CGNL1: variants seen among roughly 807,000 people sequenced by gnomAD.
The protein encoded by CGNL1 is cingulin-like protein 1.
A neutral mutation model predicts 141.2 loss-of-function variants in CGNL1; 132 were observed. The observed-to-expected ratio is 0.93, with a 90% CI of 0.81 to 1.08. The LOEUF (loss-of-function observed/expected upper bound fraction) is 1.08, where lower values mean the gene tolerates loss of function less well. Ranked by LOEUF, CGNL1 falls within the 50% of genes least tolerant of loss-of-function variation. The probability of loss-of-function intolerance (pLI) is 0.00; values close to 1 mark genes in which losing one functional copy is unlikely to be tolerated. For missense variants in CGNL1, 1,870 were observed against 1,588.6 expected, an observed-to-expected ratio of 1.18 and a Z score of -3.01; for synonymous variants, 690 against 622.1, an observed-to-expected ratio of 1.11 and a Z score of -1.63.
intron 1 of CGNL1, among the ~76,000 whole-genome samples, chr15:57,429,687 G>C (rs1203999371): frequency 2.6e-5 from 4 of 152,192 alleles, no homozygotes; most frequent in African/African-American, 9.7e-5. Flanking sequence ...GGATATTGGT[G>C]GTTAATGCTG....
chr15:57,544,198 G>A (rs1358920915), intron 15 of CGNL1, among the ~76,000 whole-genome samples: 2 of 152,202 alleles, frequency 1.3e-5, no homozygotes, highest in Admixed American at 6.5e-5. Context: ...GGCAAAGCCC[G>A]TTTGACATCC....
chr15:57,544,656 G>A (rs1350171365), intron 16 of CGNL1, 59 bp downstream of exon 16: 13 of 1,540,152 alleles, frequency 8.4e-6, no homozygotes, highest in East Asian at 7.3e-5. Flanking sequence ...CAGTCCCATC[G>A]CAATGTGTTG....
At chr15:57,437,006 A>G (rs1323054958) in intron 1 of CGNL1, among the ~76,000 whole-genome samples, 2 of 152,130 alleles carry the variant, frequency 1.3e-5, no homozygotes, top group Non-Finnish European at 2.9e-5. Context: ...AAAAAAGACA[A>G]CTGTTATTTG....
intron 1 of CGNL1, among the ~76,000 whole-genome samples, chr15:57,422,689 T>C (rs924285562): frequency 6.6e-6 from 1 of 152,158 alleles, no homozygotes; most frequent in Non-Finnish European, 1.5e-5. Flanking sequence ...TATTGCAAAC[T>C]AAAAATTGCT....
chr15:57,526,004 A>G (rs745560406), intron 12 of CGNL1, among the ~76,000 whole-genome samples: 6 of 152,176 alleles, frequency 3.9e-5, no homozygotes, highest in Non-Finnish European at 5.9e-5. Flanking sequence ...CAGTGTCACA[A>G]TGACCCCTGA....
intron 8 of CGNL1, among the ~76,000 whole-genome samples, chr15:57,476,928 C>A (rs1011540165): frequency 2.6e-5 from 4 of 152,166 alleles, no homozygotes; most frequent in Non-Finnish European, 4.4e-5. Flanking sequence ...AAGTCATGCA[C>A]GGGCCTTATC....
At chr15:57,528,543 TG>T in intron 12 of CGNL1, 110 bp from the exon 13 acceptor site, 1 of 1,061,140 alleles carries the variant, frequency 9.4e-7, no homozygotes, top group Non-Finnish European at 1.4e-6. Context: ...TCCCATATTG[TG>T]GGAGTCCAGC....
rs912942655 is a variant in CGNL1 at position 57,516,229 on chromosome 15, A to G, written c.2404-551A>G. On this transcript the variant is annotated intron_variant, in intron 8 of 18. Transcript: ENST00000281282. ...ATGCAAATGGGGCAGGGAAGTGGAC[A>G]TGTCAGAAAGCGAGGGTTATGAGGA... is the stretch of plus-strand genomic sequence containing the variant. Among the ~76,000 whole-genome samples, 3 of 151,700 alleles carry G rather than the reference A, an allele frequency of 2.0e-5. No homozygotes were observed. In the South Asian group the frequency reaches 6.2e-4, roughly 32 times the overall value.
At chr15:57,473,227 C>G (rs1424322687) in intron 8 of CGNL1, among the ~76,000 whole-genome samples, 4 of 152,144 alleles carry the variant, frequency 2.6e-5, no homozygotes, top group African/African-American at 9.7e-5. Flanking sequence ...ATTGGAAATC[C>G]TATTCAATCT....
chr15:57,435,325 C>G (rs1024388453), intron 1 of CGNL1, among the ~76,000 whole-genome samples: 1 of 151,090 alleles, frequency 6.6e-6, no homozygotes, highest in East Asian at 1.9e-4. Flanking sequence ...CTATGTAGAA[C>G]CAATAAGTTA....
intron 9 of CGNL1, 95 bp from the exon 10 acceptor site, chr15:57,518,298 C>A (rs558633599): frequency 2.2e-6 from 2 of 889,034 alleles, no homozygotes; most frequent in African/African-American, 1.7e-5. Context: ...ACTGCCATAT[C>A]TATGGGTGTC....
intron 8 of CGNL1, among the ~76,000 whole-genome samples, chr15:57,504,310 C>T (rs573296029): frequency 2.8e-4 from 42 of 152,282 alleles, no homozygotes; most frequent in African/African-American, 8.7e-4. Flanking sequence ...AGTTGACGGG[C>T]TCAGAGTTGC....
chr15:57,524,108 A>T (rs1170575685), intron 11 of CGNL1, among the ~76,000 whole-genome samples: 2 of 152,236 alleles, frequency 1.3e-5, no homozygotes, highest in East Asian at 3.8e-4. Flanking sequence ...GGGAGTTGAC[A>T]CGAGTGTCTG....
intron 1 of CGNL1, among the ~76,000 whole-genome samples, chr15:57,398,043 A>G (rs1204963573): frequency 1.3e-5 from 2 of 152,204 alleles, no homozygotes; most frequent in Admixed American, 6.5e-5. Flanking sequence ...AGCTTCCCAA[A>G]GTGCTGGGAT....
At chr15:57,386,656 C>A (rs981877709) in intron 1 of CGNL1, among the ~76,000 whole-genome samples, 1 of 152,138 alleles carries the variant, frequency 6.6e-6, no homozygotes, top group East Asian at 1.9e-4. Flanking sequence ...TACTTCACCT[C>A]GTTGCACCTC....
At chr15:57,535,102 GAGAGATTTGAGGCCC>G (rs1373523914) in intron 14 of CGNL1, among the ~76,000 whole-genome samples, 1 of 152,216 alleles carries the variant, frequency 6.6e-6, no homozygotes, top group African/African-American at 2.4e-5. Flanking sequence ...TGTAATGGAT[GAGAGATTTGAGGCCC>G]AGAGTCACCT....
At chr15:57,543,888 C>G (rs1044862519) in intron 15 of CGNL1, 109 bp downstream of exon 15, 2 of 751,188 alleles carry the variant, frequency 2.7e-6, no homozygotes, top group South Asian at 1.8e-5. Context: ...CTTGGCATCC[C>G]AAGAACTCTG....
intron 1 of CGNL1, among the ~76,000 whole-genome samples, chr15:57,378,905 C>T (rs2062395948): frequency 6.6e-6 from 1 of 152,190 alleles, no homozygotes; most frequent in Non-Finnish European, 1.5e-5. Context: ...GGTGTGCACC[C>T]TGTGGGAGCC....
At chr15:57,509,344 G>C (rs183509476) in intron 8 of CGNL1, among the ~76,000 whole-genome samples, 1 of 152,220 alleles carries the variant, frequency 6.6e-6, no homozygotes, top group African/African-American at 2.4e-5. Flanking sequence ...AAAAAAGAGA[G>C]ACAGAAAGGA....
Sources: gnomAD v4.1 joint callset for allele counts (sites outside exome capture counted in the v4.1 genomes callset) on GRCh38, gnomAD v4.1.1 for gene constraint, MANE v1.5 for transcripts, NCBI Gene and HGNC (gene_info 2026-07-23, HGNC 2026-07-21) for gene names.